The following MATN2 variants were observed in gnomAD, a reference collection of about 807,000 sequenced individuals.
MATN2 encodes the protein matrilin 2.
Under a neutral mutation model 103.2 loss-of-function variants are expected in MATN2, and 69 were observed. That is an observed-to-expected ratio of 0.67 (90% CI 0.55 to 0.82). The LOEUF (loss-of-function observed/expected upper bound fraction) is 0.82. Ranked by LOEUF, MATN2 falls within the 40% of genes least tolerant of loss-of-function variation. MATN2 has a pLI of 0.00. For synonymous variants in MATN2, 429 were observed against 450.2 expected, an observed-to-expected ratio of 0.95 and a Z score of 0.60; for missense variants, 1,023 against 1,211.5, an observed-to-expected ratio of 0.84 and a Z score of 2.31.
At position 98,035,895 on chromosome 8, in the gene MATN2, T is replaced by C. The variant is rs1048491379; in HGVS notation, c.*183T>C. ...GTATACACTAACTTGTATAAATTTA[T>C]CTAGGAAAAAAATCCTTCAGAATTC... On this transcript the variant is annotated 3_prime_UTR_variant, in exon 19 of 19. Transcript: ENST00000254898. The C allele has an allele frequency of 2.4e-6, 1 of 412,128 alleles. No homozygotes were observed. Among genetic ancestry groups the C allele is most frequent in the African/African-American group, 2.1e-5 (1 of 48,772 alleles). 25.5% of individuals were successfully genotyped at this position (412,128 alleles called of 1,614,324 possible). A position where few individuals can be genotyped will look rare whatever the true frequency, so the allele number is the denominator to read the frequency against.
chr8:97,921,903 A>G (rs1302145182), intron 2 of MATN2, among the ~76,000 whole-genome samples: 7 of 152,190 alleles, frequency 4.6e-5, no homozygotes, highest in African/African-American at 1.7e-4. Flanking sequence ...GTGGCCTGTT[A>G]GGAACCAGGC....
At chr8:98,026,409 A>T (rs1358491414) in intron 13 of MATN2, among the ~76,000 whole-genome samples, 1 of 151,978 alleles carries the variant, frequency 6.6e-6, no homozygotes, top group Non-Finnish European at 1.5e-5. Context: ...ACAGGCATGC[A>T]CTACCATGCC....
chr8:97,998,892 C>T (rs1025501419), intron 7 of MATN2, among the ~76,000 whole-genome samples: 33 of 152,018 alleles, frequency 2.2e-4, no homozygotes, highest in Admixed American at 1.9e-3. Context: ...GTATCTAGTC[C>T]AGTGGTATTA....
At chr8:97,912,359 T>C (rs188733530) in intron 2 of MATN2, among the ~76,000 whole-genome samples, 4 of 152,300 alleles carry the variant, frequency 2.6e-5, no homozygotes, top group Admixed American at 6.5e-5. Flanking sequence ...CTGGCTTCCA[T>C]AGCAACCCTA....
chr8:97,951,149 G>A (rs1042483518), intron 4 of MATN2, among the ~76,000 whole-genome samples: 3 of 152,204 alleles, frequency 2.0e-5, no homozygotes, highest in East Asian at 1.9e-4. Context: ...GCTAAATGCC[G>A]TCATCCAGCT....
intron 2 of MATN2, among the ~76,000 whole-genome samples, chr8:97,894,769 C>T (rs944152691): frequency 1.3e-5 from 2 of 152,070 alleles, no homozygotes; most frequent in African/African-American, 4.8e-5. Context: ...GCTGAAACCT[C>T]CTAAGTGAGC....
intron 4 of MATN2, among the ~76,000 whole-genome samples, chr8:97,959,207 C>T (rs1405304905): frequency 6.6e-6 from 1 of 152,160 alleles, no homozygotes; most frequent in South Asian, 2.1e-4. Context: ...AGGACCTTTG[C>T]ATTCACTGTT....
At chr8:97,904,440 C>G (rs555110819) in intron 2 of MATN2, among the ~76,000 whole-genome samples, 7 of 152,068 alleles carry the variant, frequency 4.6e-5, no homozygotes, top group African/African-American at 1.7e-4. Context: ...ATTCTTTAAC[C>G]AAAGGTGCCC....
At chr8:97,892,919 G>T (rs1044311177) in intron 2 of MATN2, among the ~76,000 whole-genome samples, 1 of 152,166 alleles carries the variant, frequency 6.6e-6, no homozygotes, top group Non-Finnish European at 1.5e-5. Flanking sequence ...GACAGCAGGT[G>T]GCAGAGGCAT....
intron 3 of MATN2, among the ~76,000 whole-genome samples, chr8:97,932,356 C>T (rs1390940859): frequency 2.0e-5 from 3 of 152,082 alleles, no homozygotes; most frequent in East Asian, 3.9e-4. Context: ...GATGTTTTCT[C>T]AGCTGACAAA....
chr8:98,010,630 A>T (rs1449625892), intron 10 of MATN2, among the ~76,000 whole-genome samples: 2 of 152,070 alleles, frequency 1.3e-5, no homozygotes, highest in Non-Finnish European at 2.9e-5. Flanking sequence ...CTCAGAAGGT[A>T]TTGCTGCCTG....
Position 97,918,114 on chromosome 8 carries a change from G to A in MATN2, c.143-12839G>A, listed in dbSNP as rs188939802. Among the ~76,000 whole-genome samples the A allele has an allele frequency of 3.9e-4, 60 of 152,242 alleles. No homozygotes were observed. The East Asian group carries it at 0.011, about 28-fold the overall frequency. On this transcript the variant is annotated intron_variant, in intron 2 of 18. Coordinates refer to ENST00000254898, the MANE Select transcript of MATN2 (RefSeq NM_002380.5). ...AAAAAAAGGAAAAAGTTTTTAGAAA[G>A]TTTTAGAAATACTAATTTTTAAAAA...
At chr8:97,885,179 G>C (rs959742887) in intron 1 of MATN2, among the ~76,000 whole-genome samples, 1 of 152,206 alleles carries the variant, frequency 6.6e-6, no homozygotes, top group African/African-American at 2.4e-5. Flanking sequence ...ATATGCCTCG[G>C]AGTGGAAGTG....
intron 4 of MATN2, chr8:97,951,052 A>C (rs529878594): frequency 9.2e-5 from 14 of 152,414 alleles, no homozygotes; most frequent in African/African-American, 3.4e-4. Flanking sequence ...CCGCACGCAC[A>C]CACACGCAAA....
chr8:97,955,131 A>G (rs932814943), intron 4 of MATN2, among the ~76,000 whole-genome samples: 5 of 152,214 alleles, frequency 3.3e-5, no homozygotes, highest in Admixed American at 2.6e-4. Context: ...GAGGCTTGAG[A>G]TAAGACTGGA....
intron 3 of MATN2, among the ~76,000 whole-genome samples, chr8:97,933,095 G>C (rs1259140297): frequency 6.6e-6 from 1 of 152,160 alleles, no homozygotes; most frequent in African/African-American, 2.4e-5. Context: ...AAAGCACAGA[G>C]ATCTCATTTG....
chr8:98,003,687 C>A lies in MATN2; in HGVS notation c.1231C>A (p.Pro411Thr). 1 of 1,613,888 alleles carries A rather than the reference C, an allele frequency of 6.2e-7. No homozygotes were observed. Among genetic ancestry groups the A allele is most frequent in the Non-Finnish European group, 8.5e-7 (1 of 1,179,828 alleles). Residue 411 changes from proline (P) to threonine (T), a missense_variant, in exon 8 of 19, where the codon CCG becomes ACG. Physicochemically the swap from Pro to Thr is conservative, Grantham distance 38. Coordinates refer to ENST00000254898, the MANE Select transcript of MATN2 (RefSeq NM_002380.5). ...RRINYCALNK[P>T]GCEHECVNME... Reference sequence around the variant, plus strand: ...GATCAACTACTGTGCACTGAACAAACCGGGCTGTGAGCATGAGTGCGTCAA... The same window carrying A: ...GATCAACTACTGTGCACTGAACAAAACGGGCTGTGAGCATGAGTGCGTCAA...
chr8:97,889,607 C>A (rs1818564103), intron 2 of MATN2, among the ~76,000 whole-genome samples: 1 of 151,588 alleles, frequency 6.6e-6, no homozygotes. Flanking sequence ...CCACGCTCAG[C>A]TAATTTTTGT....
At chr8:97,977,525 C>G (rs779099362) in intron 5 of MATN2, among the ~76,000 whole-genome samples, 3 of 152,220 alleles carry the variant, frequency 2.0e-5, no homozygotes, top group South Asian at 2.1e-4. Flanking sequence ...ACCACTCCCC[C>G]TCATCCCCTG....
Sources: gnomAD v4.1 joint callset for allele counts (sites outside exome capture counted in the v4.1 genomes callset) on GRCh38, gnomAD v4.1.1 for gene constraint, MANE v1.5 for transcripts, NCBI Gene and HGNC (gene_info 2026-07-23, HGNC 2026-07-21) for gene names.